The following PIGN variants were observed in gnomAD, a reference collection of about 807,000 sequenced individuals.
PIGN encodes phosphatidylinositol glycan anchor biosynthesis class N, also known as GPI ethanolamine phosphate transferase 1.
A neutral mutation model predicts 125.4 loss-of-function variants in PIGN; 117 were observed. The ratio of observed to expected loss-of-function variants is 0.93; its 90% CI spans 0.80 to 1.09. The LOEUF (loss-of-function observed/expected upper bound fraction) is 1.09, where lower values mean the gene tolerates loss of function less well. Ranked by LOEUF, PIGN falls within the 50% of genes least tolerant of loss-of-function variation. The pLI, the probability that PIGN is intolerant of heterozygous loss-of-function variation, is 0.00. For missense variants in PIGN, 1,075 were observed against 1,094.9 expected (o/e 0.98, Z 0.26); for synonymous variants, 392 against 377.8 (o/e 1.04, Z -0.44).
At chr18:62,040,989 T>C (rs1395223436), downstream of PIGN, among the ~76,000 whole-genome samples, 1 of 152,228 alleles carries the variant, frequency 6.6e-6, no homozygotes, top group Non-Finnish European at 1.5e-5. Flanking sequence ...AAAGAATTTA[T>C]CTTTTCATGA....
In PIGN at chr18:62,147,163, G is replaced by A. The variant is rs1395310352; in HGVS notation, c.675-62C>T. On this transcript the variant is annotated intron_variant, in intron 8 of 30. Transcript: ENST00000640252. Reference sequence around the variant, plus strand: ...TTTGGAGAAATCAAATTTATTCAACGTGGATTCATTACATTCAAAATCAGT... The same window carrying A: ...TTTGGAGAAATCAAATTTATTCAACATGGATTCATTACATTCAAAATCAGT... The A allele has an allele frequency of 1.3e-5, 20 of 1,499,902 alleles. 1 individual carries two copies. The highest frequency in any genetic ancestry group is 4.6e-5 in the Admixed American group (2 of 43,952). The allele number at this position is 1,499,902 out of a possible 1,614,324, so 92.9% of individuals were successfully genotyped here. A position where few individuals can be genotyped will look rare whatever the true frequency, so the allele number is the denominator to read the frequency against.
intron 10 of PIGN, among the ~76,000 whole-genome samples, chr18:62,143,590 G>C (rs188226713): frequency 6.6e-6 from 1 of 152,222 alleles, no homozygotes; most frequent in Admixed American, 6.5e-5. Context: ...AATGTTTACT[G>C]GGAGATAATT....
At chr18:62,131,757 C>T (rs74922108) in intron 14 of PIGN, among the ~76,000 whole-genome samples, 10,162 of 152,160 alleles carry the variant, frequency 0.067, 634 homozygotes, top group African/African-American at 0.16. Flanking sequence ...ATTTTTCCTA[C>T]GTCCTGAAAC....
intron 23 of PIGN, among the ~76,000 whole-genome samples, chr18:62,026,363 C>G (rs1220505849): frequency 4.6e-5 from 7 of 152,044 alleles, no homozygotes; most frequent in Admixed American, 4.6e-4. Context: ...TTGAACAAGA[C>G]TCAGCATTAT....
intron 7 of PIGN, among the ~76,000 whole-genome samples, chr18:62,152,251 C>G (rs1046449856): frequency 2.0e-5 from 3 of 151,802 alleles, no homozygotes; most frequent in African/African-American, 7.3e-5. Context: ...AGGAACCCTT[C>G]AGATAGTAGG....
intron 30 of PIGN, among the ~76,000 whole-genome samples, chr18:62,059,362 G>A (rs1275891237): frequency 6.6e-6 from 1 of 151,970 alleles, no homozygotes; most frequent in African/African-American, 2.4e-5. Context: ...GAGGTGGGGA[G>A]CTAGGTAGAT....
At chr18:62,101,622 G>A (rs2034440698) in intron 21 of PIGN, among the ~76,000 whole-genome samples, 1 of 152,090 alleles carries the variant, frequency 6.6e-6, no homozygotes, top group South Asian at 2.1e-4. Context: ...CTTTTTATAA[G>A]TTCCCTGTTG....
At position 62,043,564 on chromosome 18, in the gene PIGN, A is replaced by T. The variant is rs2030461858; in HGVS notation, c.*2292T>A. The T allele has an allele frequency of 1.3e-5, 2 of 152,204 alleles. No individual in the cohort carries two copies. Among genetic ancestry groups the T allele is most frequent in the African/African-American group, 4.8e-5 (2 of 41,448 alleles). 9.4% of individuals were successfully genotyped at this position (152,204 alleles called of 1,614,324 possible). On this transcript the variant is annotated 3_prime_UTR_variant, in exon 31 of 31. Transcript: ENST00000640252. ...CTATCATTAATAAATAATTATAAAG[A>T]CATTACTATGAAAATATACAATCAT...
At chr18:62,110,078 G>A in intron 16 of PIGN, 105 bp from the exon 17 acceptor site, 1 of 974,798 alleles carries the variant, frequency 1.0e-6, no homozygotes, top group South Asian at 1.6e-5. Context: ...TTCTTTCAAT[G>A]GTTATACTAC....
chr18:62,024,487 A>G lies in PIGN; in HGVS notation c.2143-6746T>C, dbSNP rs1030889304. ...TGATATCATTTATACAATCTTCTAG[A>G]AATTCTCTCCCCCTTAACCCTGGTT... On this transcript the variant is annotated intron_variant, in intron 23 of 24. Coordinates refer to the PIGN transcript ENST00000639600. Among the ~76,000 whole-genome samples the G allele has an allele frequency of 5.3e-5, 8 of 152,138 alleles. No homozygotes were observed. In the East Asian group the frequency reaches 1.2e-3, roughly 22 times the overall value.
At chr18:62,067,588 C>T (rs2032596066) in intron 30 of PIGN, among the ~76,000 whole-genome samples, 1 of 152,208 alleles carries the variant, frequency 6.6e-6, no homozygotes, top group Admixed American at 6.5e-5. Context: ...TATACTCTTA[C>T]ATATCTGGTT....
chr18:62,065,933 T>C (rs72946092), intron 30 of PIGN, among the ~76,000 whole-genome samples: 4,313 of 152,188 alleles, frequency 0.028, 98 homozygotes, highest in Middle Eastern at 0.054. Flanking sequence ...AAGGAAAATT[T>C]CTGTTCAGGG....
intron 23 of PIGN, among the ~76,000 whole-genome samples, chr18:62,017,968 G>T (rs1161598453): frequency 6.6e-6 from 1 of 152,180 alleles, no homozygotes; most frequent in Non-Finnish European, 1.5e-5. Context: ...CAATGAATTT[G>T]AGTTGGCAAC....
intron 7 of PIGN, chr18:62,153,618 T>C (rs1170129824): frequency 6.6e-6 from 1 of 152,170 alleles, no homozygotes. Flanking sequence ...ACAGATTTTA[T>C]TTAAGTTGAA....
intron 25 of PIGN, among the ~76,000 whole-genome samples, chr18:62,085,687 C>G (rs549309611): frequency 6.6e-6 from 1 of 152,158 alleles, no homozygotes; most frequent in Non-Finnish European, 1.5e-5. Context: ...TGCTAGACCA[C>G]TTGAAAGGCT....
chr18:62,136,109 A>C (rs916250496), intron 14 of PIGN: 4 of 152,188 alleles, frequency 2.6e-5, no homozygotes, highest in African/African-American at 9.7e-5. Context: ...TATATTCCTC[A>C]GAACCAATTC....
At chr18:62,125,092 GTA>G (rs897560933) in intron 14 of PIGN, among the ~76,000 whole-genome samples, 15 of 147,880 alleles carry the variant, frequency 1.0e-4, no homozygotes, top group African/African-American at 3.0e-4. Flanking sequence ...GTACATACAT[GTA>G]TATATACACG....
intron 1 of PIGN, among the ~76,000 whole-genome samples, chr18:62,163,961 C>T (rs751879857): frequency 2.0e-5 from 3 of 152,144 alleles, no homozygotes; most frequent in Non-Finnish European, 2.9e-5. Flanking sequence ...GCTTATTTTA[C>T]TTAGCATAAT....
At chr18:62,116,650 T>G (rs2035096423) in intron 14 of PIGN, among the ~76,000 whole-genome samples, 2 of 152,216 alleles carry the variant, frequency 1.3e-5, no homozygotes, top group South Asian at 4.1e-4. Context: ...TCTCTTCAAT[T>G]AAATTTTAGC....
Sources: allele counts gnomAD v4.1 joint callset (sites outside exome capture counted in the v4.1 genomes callset), GRCh38; gene constraint gnomAD v4.1.1; transcripts MANE v1.5; gene names NCBI Gene and HGNC (gene_info 2026-07-23, HGNC 2026-07-21).